Variants in LRRTM4 observed in about 807,000 individuals in gnomAD.
The protein encoded by LRRTM4 is leucine-rich repeat transmembrane neuronal protein 4.
Under a neutral mutation model 47.6 loss-of-function variants are expected in LRRTM4, and 25 were observed. The ratio of observed to expected loss-of-function variants is 0.53; its 90% CI spans 0.38 to 0.73. LRRTM4 has a LOEUF of 0.73. Ranked by LOEUF, LRRTM4 falls within the 30% of genes least tolerant of loss-of-function variation. The probability of loss-of-function intolerance (pLI) is 0.00; values close to 1 mark genes in which losing one functional copy is unlikely to be tolerated. For missense variants in LRRTM4, 638 were observed against 713.4 expected, an observed-to-expected ratio of 0.89 and a Z score of 1.20; for synonymous variants, 311 against 269.5, an observed-to-expected ratio of 1.15 and a Z score of -1.51.
chr2:77,284,784 T>C (rs770021028), intron 3 of LRRTM4, among the ~76,000 whole-genome samples: 3 of 152,036 alleles, frequency 2.0e-5, no homozygotes, highest in Non-Finnish European at 4.4e-5. Flanking sequence ...ATAAGGAAAT[T>C]AGAAAATGAA....
chr2:77,482,247 CTG>C (rs1224650101), intron 3 of LRRTM4, among the ~76,000 whole-genome samples: 3 of 152,088 alleles, frequency 2.0e-5, no homozygotes, highest in African/African-American at 7.2e-5. Flanking sequence ...TTTATTCCAA[CTG>C]TGAGAGAACA....
In LRRTM4 at chr2:76,819,820, C is replaced by T. The variant is rs117462295; in HGVS notation, c.1552-70904G>A. 6.3e-4 allele frequency among the ~76,000 whole-genome samples: 96 copies of T among 152,064 alleles called. No individual in the cohort carries two copies. In the East Asian group the frequency reaches 0.014, roughly 22 times the overall value. ...TCATGTACACTCATCCTTCCTTCCTCAAGTTTTAACAGCCCTATTGTGAAA... is the reference window on the plus strand; with the variant it reads ...TCATGTACACTCATCCTTCCTTCCTTAAGTTTTAACAGCCCTATTGTGAAA... On this transcript the variant is annotated intron_variant, in intron 3 of 3. Coordinates refer to ENST00000409884, the MANE Select transcript of LRRTM4 (RefSeq NM_001134745.3).
At chr2:77,458,346 T>G (rs1558752943) in intron 3 of LRRTM4, among the ~76,000 whole-genome samples, 1 of 152,076 alleles carries the variant, frequency 6.6e-6, no homozygotes, top group Non-Finnish European at 1.5e-5. Flanking sequence ...CCAAGTCGTT[T>G]CTTTTTGTGT....
At chr2:77,116,221 A>T (rs953315325) in intron 3 of LRRTM4, among the ~76,000 whole-genome samples, 8 of 151,012 alleles carry the variant, frequency 5.3e-5, no homozygotes, top group African/African-American at 1.9e-4. Context: ...TGAATGAACA[A>T]CCAAAGGTGG....
rs34587249 is a variant in LRRTM4 at position 77,049,122 on chromosome 2, T to TATATATATATATACATA, written c.1552-300207_1552-300206insTATGTATATATATATAT. Reference sequence around the variant, plus strand: ...TTTTGACTAAATAATATTTCATTTTTTATATATATATATATATATATATAT... The same window carrying TATATATATATATACATA: ...TTTTGACTAAATAATATTTCATTTTTATATATATATATACATATATATATATATATATATATATATAT... On this transcript the variant is annotated intron_variant, in intron 3 of 3. Coordinates refer to ENST00000409884, the MANE Select transcript of LRRTM4 (RefSeq NM_001134745.3). 5.9e-4 allele frequency among the ~76,000 whole-genome samples: 37 copies of TATATATATATATACATA among 62,680 alleles called. 2 individuals carry two copies. The highest frequency in any genetic ancestry group is 2.9e-3 in the African/African-American group (33 of 11,376). 41.1% of individuals were successfully genotyped at this position (62,680 alleles called of 152,430 possible).
chr2:77,018,097 A>G (rs1453608270), intron 3 of LRRTM4, among the ~76,000 whole-genome samples: 5 of 151,952 alleles, frequency 3.3e-5, no homozygotes, highest in African/African-American at 1.2e-4. Context: ...GAAAGAATTG[A>G]AAGTACTATT....
intron 3 of LRRTM4, among the ~76,000 whole-genome samples, chr2:76,785,286 GCTC>G (rs1674613977): frequency 6.6e-6 from 1 of 152,042 alleles, no homozygotes; most frequent in Non-Finnish European, 1.5e-5. Context: ...CTACAGTTCT[GCTC>G]CTCAAGTAAA....
At chr2:76,956,526 ACTAT>A (rs1402701158) in intron 3 of LRRTM4, among the ~76,000 whole-genome samples, 1 of 151,404 alleles carries the variant, frequency 6.6e-6, no homozygotes, top group Non-Finnish European at 1.5e-5. Context: ...TCTCAAATAA[ACTAT>A]CTAACTTTAT....
intron 3 of LRRTM4, among the ~76,000 whole-genome samples, chr2:77,377,586 T>G (rs1447910957): frequency 3.3e-5 from 5 of 152,010 alleles, no homozygotes; most frequent in Admixed American, 6.6e-5. Flanking sequence ...AATGTTCTAA[T>G]GCCTCCTGTT....
chr2:77,321,987 T>C (rs552397777), intron 3 of LRRTM4, among the ~76,000 whole-genome samples: 1 of 152,302 alleles, frequency 6.6e-6, no homozygotes, highest in African/African-American at 2.4e-5. Context: ...AAATTTAAGA[T>C]ATGAAATTCT....
intron 3 of LRRTM4, among the ~76,000 whole-genome samples, chr2:76,902,477 C>T (rs1673671788): frequency 6.6e-6 from 1 of 152,056 alleles, no homozygotes; most frequent in Non-Finnish European, 1.5e-5. Context: ...CCAGAGATTC[C>T]TGAGGAAAAG....
chr2:77,186,649 T>C (rs553588639), intron 3 of LRRTM4, among the ~76,000 whole-genome samples: 3 of 152,198 alleles, frequency 2.0e-5, no homozygotes, highest in African/African-American at 7.2e-5. Context: ...AAAAAGGAAA[T>C]AATTATTTAG....
chr2:77,362,125 G>GAAAGAAAGAAAGA (rs1553434381), intron 3 of LRRTM4, among the ~76,000 whole-genome samples: 42 of 120,150 alleles, frequency 3.5e-4, no homozygotes, highest in Non-Finnish European at 6.7e-4. Flanking sequence ...GAGAAAGAAA[G>GAAAGAAAGAAAGA]AAAGAAAGAA....
intron 3 of LRRTM4, among the ~76,000 whole-genome samples, chr2:77,095,904 G>A (rs1048536177): frequency 7.2e-5 from 11 of 152,050 alleles, no homozygotes; most frequent in East Asian, 3.8e-4. Flanking sequence ...GATGTTTATC[G>A]GATAGTACAA....
chr2:76,920,421 T>G (rs913659606), intron 3 of LRRTM4, among the ~76,000 whole-genome samples: 1 of 152,156 alleles, frequency 6.6e-6, no homozygotes, highest in Non-Finnish European at 1.5e-5. Context: ...ATGTTTGGTT[T>G]TGAAATAAAG....
intron 3 of LRRTM4, among the ~76,000 whole-genome samples, chr2:76,963,160 G>C (rs947397856): frequency 6.6e-6 from 1 of 150,750 alleles, no homozygotes; most frequent in Non-Finnish European, 1.5e-5. Flanking sequence ...TGTAAAAAAT[G>C]TATTATAAAA....
chr2:77,372,975 G>T (rs970164086), intron 3 of LRRTM4, among the ~76,000 whole-genome samples: 1 of 150,038 alleles, frequency 6.7e-6, no homozygotes, highest in Non-Finnish European at 1.5e-5. Context: ...ACTAAAAAGG[G>T]TCATAAGGAA....
chr2:77,358,766 G>C (rs557003321), intron 3 of LRRTM4, among the ~76,000 whole-genome samples: 1 of 152,142 alleles, frequency 6.6e-6, no homozygotes, highest in African/African-American at 2.4e-5. Flanking sequence ...TTAAAACTTT[G>C]AAATTGTTGC....
intron 3 of LRRTM4, among the ~76,000 whole-genome samples, chr2:76,871,403 C>T (rs942596079): frequency 5.9e-5 from 9 of 152,136 alleles, no homozygotes; most frequent in Admixed American, 3.3e-4. Context: ...AGACCACAGC[C>T]TGCATTCAAC....
Sources: allele counts gnomAD v4.1 joint callset (sites outside exome capture counted in the v4.1 genomes callset), GRCh38; gene constraint gnomAD v4.1.1; transcripts MANE v1.5; gene names NCBI Gene and HGNC (gene_info 2026-07-23, HGNC 2026-07-21).